Variants in PTPRT observed in about 807,000 individuals in gnomAD.
PTPRT encodes protein tyrosine phosphatase receptor type T, also known as receptor-type tyrosine-protein phosphatase T.
In PTPRT, 56 loss-of-function variants were observed where a neutral mutation model predicts 176.8. The ratio of observed to expected loss-of-function variants is 0.32; its 90% CI spans 0.26 to 0.40. The LOEUF is 0.40. PTPRT is among the 10% of genes least tolerant of loss of function. The pLI is 1.00. For missense variants in PTPRT, 1,540 were observed against 1,908.2 expected (o/e 0.81, Z 3.60); for synonymous variants, 783 against 739.0 (o/e 1.06, Z -0.96).
chr20:43,031,200 A>C (rs995498929), intron 1 of PTPRT, among the ~76,000 whole-genome samples: 6 of 152,128 alleles, frequency 3.9e-5, no homozygotes, highest in Non-Finnish European at 5.9e-5. Flanking sequence ...TTTCCACAGA[A>C]GGACGTTACC....
At chr20:43,033,148 T>C (rs1369441794) in intron 1 of PTPRT, among the ~76,000 whole-genome samples, 3 of 152,324 alleles carry the variant, frequency 2.0e-5, no homozygotes, top group Admixed American at 2.0e-4. Context: ...TGCCTTTTTG[T>C]GGCCACTGCC....
chr20:42,134,340 T>A (rs1275502662), intron 18 of PTPRT, among the ~76,000 whole-genome samples: 1 of 152,174 alleles, frequency 6.6e-6, no homozygotes, highest in Non-Finnish European at 1.5e-5. Context: ...TTGTTTGATA[T>A]TCAAGACAAG....
chr20:42,189,198 A>G (rs1292953502), intron 16 of PTPRT, among the ~76,000 whole-genome samples: 1 of 152,158 alleles, frequency 6.6e-6, no homozygotes, highest in African/African-American at 2.4e-5. Flanking sequence ...ACCAGACCTC[A>G]CACCTCATAT....
chr20:42,629,073 G>A (rs2074352804), intron 7 of PTPRT, among the ~76,000 whole-genome samples: 1 of 152,138 alleles, frequency 6.6e-6, no homozygotes, highest in African/African-American at 2.4e-5. Flanking sequence ...GACACCTAGG[G>A]TGAGATGGCC....
intron 1 of PTPRT, among the ~76,000 whole-genome samples, chr20:42,973,118 T>G (rs1982749706): frequency 6.6e-6 from 1 of 151,248 alleles, no homozygotes; most frequent in Non-Finnish European, 1.5e-5. Context: ...AGATGGTAGC[T>G]GCAAGCAGAG....
chr20:42,243,606 C>T (rs2056397626), intron 14 of PTPRT, among the ~76,000 whole-genome samples: 1 of 152,062 alleles, frequency 6.6e-6, no homozygotes, highest in Admixed American at 6.6e-5. Flanking sequence ...AAGAAAATAG[C>T]GAAATTGGGA....
In PTPRT at chr20:43,032,473, T is replaced by TAAA. The variant is rs375146456; in HGVS notation, c.89-146544_89-146542dup. Among the ~76,000 whole-genome samples, 782 of 121,616 alleles carry TAAA rather than the reference T, an allele frequency of 6.4e-3. 16 individuals are homozygous for TAAA. Among genetic ancestry groups the TAAA allele is most frequent in the African/African-American group, 0.022 (744 of 33,350 alleles). 79.8% of individuals were successfully genotyped at this position (121,616 alleles called of 152,430 possible). On this transcript the variant is annotated intron_variant, in intron 1 of 30. Transcript: ENST00000373187. ...CACCCACTGTCCCAAATCTTTTCAT[T>TAAA]AAAAAAAAAAAAAAAAAACAGTGGC...
intron 15 of PTPRT, among the ~76,000 whole-genome samples, chr20:42,226,644 G>C (rs1380357472): frequency 2.0e-5 from 3 of 152,182 alleles, no homozygotes; most frequent in African/African-American, 7.2e-5. Context: ...AGCTCTAGCT[G>C]TAAGAGTCCT....
intron 7 of PTPRT, among the ~76,000 whole-genome samples, chr20:42,672,464 G>A (rs1379702119): frequency 6.6e-6 from 1 of 152,144 alleles, no homozygotes; most frequent in East Asian, 1.9e-4. Context: ...TTCCTTTATA[G>A]ATACATCTGT....
chr20:42,146,408 G>C (rs1311310220), intron 17 of PTPRT, among the ~76,000 whole-genome samples: 1 of 152,154 alleles, frequency 6.6e-6, no homozygotes. Flanking sequence ...TAATTGCGTT[G>C]AGTACTTGCC....
chr20:42,412,502 C>G (rs1014215096), intron 9 of PTPRT, among the ~76,000 whole-genome samples: 3 of 152,186 alleles, frequency 2.0e-5, no homozygotes, highest in African/African-American at 7.2e-5. Flanking sequence ...AGTTAGGCAG[C>G]TTCTTATAAA....
At chr20:42,583,689 A>G (rs1441794417) in intron 7 of PTPRT, among the ~76,000 whole-genome samples, 1 of 152,220 alleles carries the variant, frequency 6.6e-6, no homozygotes, top group Non-Finnish European at 1.5e-5. Context: ...CAAATGGCTT[A>G]TTACACAGAT....
At chr20:42,213,113 C>T (rs1002719617) in intron 15 of PTPRT, among the ~76,000 whole-genome samples, 1 of 152,180 alleles carries the variant, frequency 6.6e-6, no homozygotes, top group African/African-American at 2.4e-5. Flanking sequence ...GCAGCATCCG[C>T]TTCACCTGGG....
intron 13 of PTPRT, among the ~76,000 whole-genome samples, chr20:42,268,392 AATAG>A (rs1187787440): frequency 2.6e-5 from 4 of 152,200 alleles, no homozygotes; most frequent in Non-Finnish European, 4.4e-5. Context: ...GCTCGACTGG[AATAG>A]AGCCTAGAGA....
Position 42,311,383 on chromosome 20 carries a change from A to C in PTPRT, c.2139+4340T>G, listed in dbSNP as rs544637791. Among the ~76,000 whole-genome samples the C allele has an allele frequency of 4.6e-5, 7 of 152,290 alleles. No individual in the cohort carries two copies. The South Asian group carries it at 1.2e-3, about 27-fold the overall frequency. On this transcript the variant is annotated intron_variant, in intron 12 of 30. Transcript: ENST00000373187. ...AATTCATAGCCACTCTGTTAACCTG[A>C]CAAACCATCCTTAACATCCATAGAA...
At chr20:42,354,580 C>T (rs1298447555) in intron 9 of PTPRT, among the ~76,000 whole-genome samples, 1 of 152,198 alleles carries the variant, frequency 6.6e-6, no homozygotes, top group Non-Finnish European at 1.5e-5. Flanking sequence ...GTGTTCTAGG[C>T]CCTGCACTGT....
chr20:42,255,044 A>T (rs1204887396), intron 13 of PTPRT, among the ~76,000 whole-genome samples: 1 of 151,900 alleles, frequency 6.6e-6, no homozygotes, highest in Non-Finnish European at 1.5e-5. Context: ...AAGGCAGGGG[A>T]ATGTGTCATC....
intron 7 of PTPRT, among the ~76,000 whole-genome samples, chr20:42,486,477 A>G (rs6102854): frequency 0.015 from 2,272 of 152,260 alleles, 53 homozygotes; most frequent in African/African-American, 0.052. Context: ...ACTGTGTGAC[A>G]TTGAAAAAAT....
intron 1 of PTPRT, among the ~76,000 whole-genome samples, chr20:42,981,542 G>A (rs1367995639): frequency 6.6e-6 from 1 of 152,222 alleles, no homozygotes; most frequent in Admixed American, 6.5e-5. Context: ...TTGGAAGCCT[G>A]AGAGCATCAC....
Sources: allele counts gnomAD v4.1 joint callset (sites outside exome capture counted in the v4.1 genomes callset), GRCh38; gene constraint gnomAD v4.1.1; transcripts MANE v1.5; gene names NCBI Gene and HGNC (gene_info 2026-07-23, HGNC 2026-07-21).